Variants in LINGO2 observed in about 807,000 individuals in gnomAD.
LINGO2 encodes the protein leucine rich repeat and Ig domain containing 2.
LINGO2 carries 14 observed loss-of-function variants against 30.6 expected under a neutral mutation model. That is an observed-to-expected ratio of 0.46 (90% CI 0.30 to 0.72). LINGO2 has a LOEUF of 0.72. Among genes scored for constraint, LINGO2 ranks in the 30% least tolerant of loss-of-function variants. The pLI is 0.07. For synonymous variants in LINGO2, 317 were observed against 288.5 expected (o/e 1.10, Z -1.00); for missense variants, 729 against 751.7 (o/e 0.97, Z 0.35).
the LINGO2 span, among the ~76,000 whole-genome samples, chr9:28,875,779 AC>A: frequency 6.6e-6 from 1 of 152,074 alleles, no homozygotes; most frequent in Non-Finnish European, 1.5e-5. Context: ...GGTGCTATTG[AC>A]TTTACTAACT....
At chr9:29,011,479 T>G in the LINGO2 span, among the ~76,000 whole-genome samples, 1 of 152,188 alleles carries the variant, frequency 6.6e-6, no homozygotes, top group African/African-American at 2.4e-5. Context: ...TTGTGTTCTG[T>G]AGGTCTATCC....
intron 1 of LINGO2, among the ~76,000 whole-genome samples, chr9:28,638,577 T>C (rs1164246925): frequency 6.6e-6 from 1 of 152,186 alleles, no homozygotes; most frequent in Non-Finnish European, 1.5e-5. Flanking sequence ...AATTTACCCA[T>C]TTCTTCTAGC....
At chr9:28,258,276 G>T (rs1277060977) in intron 4 of LINGO2, among the ~76,000 whole-genome samples, 1 of 151,530 alleles carries the variant, frequency 6.6e-6, no homozygotes, top group Non-Finnish European at 1.5e-5. Flanking sequence ...TTTAATTAAG[G>T]GTCATAGGAG....
intron 4 of LINGO2, among the ~76,000 whole-genome samples, chr9:28,109,796 T>C (rs529963455): frequency 5.3e-5 from 8 of 152,266 alleles, no homozygotes; most frequent in East Asian, 1.9e-4. Context: ...AGAATCAATA[T>C]TGTGAAAATG....
the LINGO2 span, among the ~76,000 whole-genome samples, chr9:29,098,305 C>G: frequency 6.6e-6 from 1 of 152,090 alleles, no homozygotes; most frequent in Non-Finnish European, 1.5e-5. Flanking sequence ...ACTGCTTACA[C>G]TTTAATTATT....
the LINGO2 span, among the ~76,000 whole-genome samples, chr9:29,179,249 A>C: frequency 6.8e-6 from 1 of 146,812 alleles, no homozygotes; most frequent in Non-Finnish European, 1.5e-5. Flanking sequence ...CCTTTAAGCA[A>C]AACAGGCTGA....
chr9:28,214,065 G>C (rs1820684332), intron 4 of LINGO2, among the ~76,000 whole-genome samples: 1 of 151,480 alleles, frequency 6.6e-6, no homozygotes, highest in Admixed American at 6.6e-5. Context: ...TTTCCTACTT[G>C]AACAAAACTT....
At chr9:28,497,433 T>G (rs1057443470) in intron 1 of LINGO2, among the ~76,000 whole-genome samples, 1 of 152,214 alleles carries the variant, frequency 6.6e-6, no homozygotes, top group East Asian at 1.9e-4. Context: ...TGATACCCTT[T>G]CTTCCAGTTG....
intron 2 of LINGO2, among the ~76,000 whole-genome samples, chr9:28,470,152 T>G (rs1359860564): frequency 6.6e-6 from 1 of 152,164 alleles, no homozygotes; most frequent in Non-Finnish European, 1.5e-5. Context: ...GTGAAAAAGC[T>G]CTGGAGATTG....
intron 1 of LINGO2, among the ~76,000 whole-genome samples, chr9:28,564,191 T>C (rs12002138): frequency 0.018 from 2,675 of 152,210 alleles, 38 homozygotes; most frequent in African/African-American, 0.036. Flanking sequence ...TTTAATATCA[T>C]ATGGAACAAT....
At chr9:28,332,722 T>C (rs1825465937) in intron 3 of LINGO2, among the ~76,000 whole-genome samples, 1 of 152,116 alleles carries the variant, frequency 6.6e-6, no homozygotes, top group Admixed American at 6.5e-5. Context: ...TAGAGTTTGA[T>C]TGAAACAAGA....
chr9:28,975,203 A>AAAG, the LINGO2 span, among the ~76,000 whole-genome samples: 98,479 of 151,498 alleles, frequency 0.65, 32,598 homozygotes, highest in Non-Finnish European at 0.72. Flanking sequence ...GATTTACACA[A>AAAG]AAGAGAAAGA....
intron 4 of LINGO2, among the ~76,000 whole-genome samples, chr9:28,202,953 T>G (rs1372060241): frequency 6.6e-6 from 1 of 152,202 alleles, no homozygotes; most frequent in African/African-American, 2.4e-5. Context: ...ATGTAAACTC[T>G]GTAAAGCAGG....
chr9:28,595,213 A>C (rs550456594), intron 1 of LINGO2, among the ~76,000 whole-genome samples: 2 of 152,224 alleles, frequency 1.3e-5, no homozygotes, highest in East Asian at 3.9e-4. Context: ...AATCATGTGA[A>C]GTTAAGTGGA....
the LINGO2 span, among the ~76,000 whole-genome samples, chr9:28,852,651 G>T: frequency 1.3e-5 from 2 of 151,996 alleles, no homozygotes; most frequent in Non-Finnish European, 2.9e-5. Context: ...TACTGATGCT[G>T]CTAATGTGAT....
chr9:27,977,902 C>A (rs1820679819), intron 5 of LINGO2, among the ~76,000 whole-genome samples: 1 of 151,922 alleles, frequency 6.6e-6, no homozygotes, highest in Non-Finnish European at 1.5e-5. Flanking sequence ...AGTGGTGAGG[C>A]TAGGCATTAA....
At chr9:28,451,480 T>C (rs1293094483) in intron 2 of LINGO2, among the ~76,000 whole-genome samples, 1 of 151,816 alleles carries the variant, frequency 6.6e-6, no homozygotes, top group African/African-American at 2.4e-5. Flanking sequence ...CTGAAGAAAT[T>C]CAGCCAAACC....
At chr9:28,433,543 G>T (rs1423024973) in intron 2 of LINGO2, among the ~76,000 whole-genome samples, 1 of 151,996 alleles carries the variant, frequency 6.6e-6, no homozygotes, top group Non-Finnish European at 1.5e-5. Flanking sequence ...AGCAAATAAA[G>T]AAATCTTCAT....
At chr9:28,718,785 C>T in the LINGO2 span, among the ~76,000 whole-genome samples, 1 of 151,994 alleles carries the variant, frequency 6.6e-6, no homozygotes, top group Non-Finnish European at 1.5e-5. Context: ...AATGTGTGAA[C>T]AAATGAGCCC....
Sources: gnomAD v4.1 joint callset for allele counts (sites outside exome capture counted in the v4.1 genomes callset) on GRCh38, gnomAD v4.1.1 for gene constraint, MANE v1.5 for transcripts, NCBI Gene and HGNC (gene_info 2026-07-23, HGNC 2026-07-21) for gene names.